FAM13C: variants seen among roughly 807,000 people sequenced by gnomAD.
FAM13C encodes family with sequence similarity 13 member C, also known as protein FAM13C.
FAM13C carries 37 observed loss-of-function variants against 73.2 expected under a neutral mutation model. The ratio of observed to expected loss-of-function variants is 0.51; its 90% CI spans 0.39 to 0.67. FAM13C has a LOEUF of 0.67. Ranked by LOEUF, FAM13C falls within the 30% of genes least tolerant of loss-of-function variation. FAM13C has a pLI of 0.00. For missense variants in FAM13C, 589 were observed against 715.6 expected (o/e 0.82, Z 2.02); for synonymous variants, 246 against 260.9 (o/e 0.94, Z 0.55).
rs188509656 is a variant in FAM13C at position 59,268,694 on chromosome 10, G to A, written c.804-3C>T. ...TGCAGCGTGAAGAACTCCGCGGCCT[G>A]CAGTGATTACAAGGAGGAAGGAGTA... On this transcript the variant is annotated splice_polypyrimidine_tract_variant and splice_region_variant and intron_variant, in intron 7 of 13. Coordinates refer to ENST00000618804, the MANE Select transcript of FAM13C (RefSeq NM_198215.4). The A allele has an allele frequency of 5.8e-4, 928 of 1,610,872 alleles. No homozygotes were observed. Among genetic ancestry groups the A allele is most frequent in the Admixed American group, 2.5e-3 (147 of 59,802 alleles).
At chr10:59,309,529 G>A (rs1237788119) in intron 4 of FAM13C, among the ~76,000 whole-genome samples, 2 of 152,108 alleles carry the variant, frequency 1.3e-5, no homozygotes, top group African/African-American at 4.8e-5. Flanking sequence ...GATGCACCAT[G>A]CTCCTTTCCA....
intron 4 of FAM13C, among the ~76,000 whole-genome samples, chr10:59,304,695 C>T (rs1000061792): frequency 1.4e-5 from 2 of 145,476 alleles, no homozygotes; most frequent in African/African-American, 5.2e-5. Context: ...ACAACAAACC[C>T]GCATGACACA....
rs146968897 is a variant in FAM13C, at chr10:59,263,335, T to G, written c.1025-690A>C. Among the ~76,000 whole-genome samples, 1,447 of 152,320 alleles carry G rather than the reference T, an allele frequency of 9.5e-3. 5 individuals carry two copies. Among genetic ancestry groups the G allele is most frequent in the Admixed American group, 0.021 (317 of 15,290 alleles). On this transcript the variant is annotated intron_variant, in intron 9 of 13. Transcript: ENST00000618804. ...TCTCAATTACATAGCTCATTTTCTT[T>G]GTTTGATGTTTGTTTCCTAGTTAGA... is the stretch of plus-strand genomic sequence containing the variant.
intron 8 of FAM13C, among the ~76,000 whole-genome samples, chr10:59,264,848 G>C (rs1842864148): frequency 6.6e-6 from 1 of 152,056 alleles, no homozygotes; most frequent in African/African-American, 2.4e-5. Flanking sequence ...ACAAGTCAAG[G>C]CTACCATAGG....
chr10:59,298,485 T>C (rs1847179619), intron 5 of FAM13C, among the ~76,000 whole-genome samples: 1 of 152,202 alleles, frequency 6.6e-6, no homozygotes, highest in Non-Finnish European at 1.5e-5. Context: ...GATAACTTCC[T>C]TCTGTATGAT....
At chr10:59,324,698 A>T (rs563615973) in intron 3 of FAM13C, among the ~76,000 whole-genome samples, 3 of 152,300 alleles carry the variant, frequency 2.0e-5, no homozygotes, top group African/African-American at 7.2e-5. Context: ...ACTAAAGAAC[A>T]AATCATTTTT....
intron 1 of FAM13C, 76 bp downstream of exon 1, chr10:59,362,323 G>A (rs1224555159): frequency 6.4e-7 from 1 of 1,557,278 alleles, no homozygotes; most frequent in South Asian, 1.2e-5. Context: ...GGCTGGGAAC[G>A]GTGGAGGATA....
chr10:59,353,470 T>C (rs1430549450), intron 2 of FAM13C, among the ~76,000 whole-genome samples: 1 of 152,146 alleles, frequency 6.6e-6, no homozygotes, highest in Non-Finnish European at 1.5e-5. Context: ...TCAGGTGTTG[T>C]TTTTCCCTCA....
intron 10 of FAM13C, among the ~76,000 whole-genome samples, chr10:59,257,027 G>A (rs1011539988): frequency 6.6e-6 from 1 of 152,002 alleles, no homozygotes; most frequent in South Asian, 2.1e-4. Context: ...TCGGTTACAC[G>A]TTGAATAACC....
At chr10:59,324,571 T>G (rs1470306248) in intron 3 of FAM13C, among the ~76,000 whole-genome samples, 1 of 152,056 alleles carries the variant, frequency 6.6e-6, no homozygotes, top group Non-Finnish European at 1.5e-5. Flanking sequence ...AAATCTTAAC[T>G]GTGACTAATT....
intron 4 of FAM13C, among the ~76,000 whole-genome samples, chr10:59,319,012 T>A (rs2133987726): frequency 6.6e-6 from 1 of 151,288 alleles, no homozygotes; most frequent in South Asian, 2.1e-4. Flanking sequence ...TTAGCAGAAC[T>A]CATTAAGACT....
rs143248681 is a variant in FAM13C, at chr10:59,289,506, A to G, written c.508-6059T>C. 8.5e-5 allele frequency among the ~76,000 whole-genome samples: 13 copies of G among 152,318 alleles called. No individual in the cohort carries two copies. In the East Asian group the frequency reaches 2.3e-3, roughly 27 times the overall value. ...CATGATGCCACACATCCAGCTCCAC[A>G]TGGAAAGCCAGGCAGCTTTCCATGC... On this transcript the variant is annotated intron_variant, in intron 5 of 13. Transcript: ENST00000618804.
intron 5 of FAM13C, among the ~76,000 whole-genome samples, chr10:59,291,021 AG>A (rs1383791337): frequency 2.0e-5 from 3 of 152,182 alleles, no homozygotes; most frequent in Non-Finnish European, 4.4e-5. Context: ...GGTCTGAGGC[AG>A]GGTCTTTCAA....
At chr10:59,283,157 C>T (rs982064673) in intron 6 of FAM13C, among the ~76,000 whole-genome samples, 5 of 152,122 alleles carry the variant, frequency 3.3e-5, no homozygotes, top group East Asian at 3.9e-4. Context: ...GACTCTTGGC[C>T]GCATCTAGAC....
intron 11 of FAM13C, among the ~76,000 whole-genome samples, 162 bp from the exon 12 acceptor site, chr10:59,253,160 C>T (rs1000755712): frequency 4.6e-5 from 7 of 152,178 alleles, no homozygotes; most frequent in East Asian, 1.9e-4. Context: ...GGAGCTCTTC[C>T]GCAGTTTCAT....
intron 3 of FAM13C, among the ~76,000 whole-genome samples, chr10:59,325,577 C>T (rs1021611775): frequency 1.3e-5 from 2 of 152,118 alleles, no homozygotes; most frequent in African/African-American, 2.4e-5. Flanking sequence ...AACTCTCTCA[C>T]ACAATGGTTT....
chr10:59,259,594 A>G (rs2133436194), intron 10 of FAM13C, among the ~76,000 whole-genome samples: 1 of 152,242 alleles, frequency 6.6e-6, no homozygotes, highest in African/African-American at 2.4e-5. Flanking sequence ...ACTCAGCTTT[A>G]TGTATTTACA....
intron 3 of FAM13C, among the ~76,000 whole-genome samples, chr10:59,331,100 C>T (rs187744272): frequency 1.3e-5 from 2 of 152,268 alleles, no homozygotes; most frequent in African/African-American, 2.4e-5. Flanking sequence ...AGTTCCTGCC[C>T]TCAGGGAGCT....
chr10:59,289,088 TG>T (rs1845911238), intron 5 of FAM13C, among the ~76,000 whole-genome samples: 1 of 152,206 alleles, frequency 6.6e-6, no homozygotes. Flanking sequence ...GGGATTGTTT[TG>T]GGATGAAACT....
Sources: gnomAD v4.1 joint callset for allele counts (sites outside exome capture counted in the v4.1 genomes callset) on GRCh38, gnomAD v4.1.1 for gene constraint, MANE v1.5 for transcripts, NCBI Gene and HGNC (gene_info 2026-07-23, HGNC 2026-07-21) for gene names.